The following ST8SIA1 variants were observed in gnomAD, a reference collection of about 807,000 sequenced individuals.
The protein encoded by ST8SIA1 is ST8 alpha-N-acetyl-neuraminide alpha-2,8-sialyltransferase 1, also known as alpha-N-acetylneuraminide alpha-2,8-sialyltransferase.
Under a neutral mutation model 35.9 loss-of-function variants are expected in ST8SIA1, and 16 were observed. The observed-to-expected ratio is 0.45, with a 90% CI of 0.30 to 0.68. The LOEUF (loss-of-function observed/expected upper bound fraction) is 0.68. Ranked by LOEUF, ST8SIA1 falls within the 30% of genes least tolerant of loss-of-function variation. The probability of loss-of-function intolerance (pLI) is 0.09; values close to 1 mark genes in which losing one functional copy is unlikely to be tolerated. For synonymous variants in ST8SIA1, 170 were observed against 169.6 expected, an observed-to-expected ratio of 1.00 and a Z score of -0.02; for missense variants, 383 against 453.6, an observed-to-expected ratio of 0.84 and a Z score of 1.41.
chr12:22,275,079 G>T (rs376886178), intron 2 of ST8SIA1, among the ~76,000 whole-genome samples: 3 of 152,120 alleles, frequency 2.0e-5, no homozygotes, highest in Non-Finnish European at 4.4e-5. Flanking sequence ...CTTGGGAGAG[G>T]GAACTGGGAA....
At chr12:22,232,966 AT>A (rs1865436053) in intron 4 of ST8SIA1, among the ~76,000 whole-genome samples, 1 of 152,240 alleles carries the variant, frequency 6.6e-6, no homozygotes, top group Non-Finnish European at 1.5e-5. Context: ...GGTGGGTCAA[AT>A]AAGAGAACTA....
chr12:22,249,220 G>C (rs111740898), intron 3 of ST8SIA1, 122 bp from the exon 4 acceptor site: 2 of 439,360 alleles, frequency 4.6e-6, no homozygotes, highest in Non-Finnish European at 8.1e-6. Flanking sequence ...TTTGTTTTTT[G>C]TTTTTTTTTT....
At chr12:22,304,820 A>C (rs1453731778) in intron 1 of ST8SIA1, among the ~76,000 whole-genome samples, 1 of 152,252 alleles carries the variant, frequency 6.6e-6, no homozygotes, top group Non-Finnish European at 1.5e-5. Context: ...GTTAAAAGAC[A>C]AGTAGTCCCT....
chr12:22,323,207 C>CT (rs1244245319), intron 1 of ST8SIA1, among the ~76,000 whole-genome samples: 3 of 152,176 alleles, frequency 2.0e-5, no homozygotes, highest in South Asian at 2.1e-4. Context: ...GTATGGGGAT[C>CT]TTTTTTCATT....
chr12:22,258,799 C>T (rs1048166357), intron 2 of ST8SIA1, among the ~76,000 whole-genome samples: 5 of 152,306 alleles, frequency 3.3e-5, no homozygotes, highest in African/African-American at 9.6e-5. Context: ...TTGCTTGAGC[C>T]TATTAGGCTG....
chr12:22,205,197 T>C (rs1249509044), intron 4 of ST8SIA1, among the ~76,000 whole-genome samples: 1 of 152,212 alleles, frequency 6.6e-6, no homozygotes, highest in African/African-American at 2.4e-5. Flanking sequence ...TAAGACTATG[T>C]ACTCCTTGAA....
intron 1 of ST8SIA1, among the ~76,000 whole-genome samples, chr12:22,318,885 C>T (rs940474981): frequency 2.2e-4 from 33 of 152,114 alleles, no homozygotes; most frequent in African/African-American, 6.3e-4. Context: ...AGGAAGTTTG[C>T]GAGTCCCAGA....
chr12:22,322,251 G>A (rs1866611599), intron 1 of ST8SIA1, among the ~76,000 whole-genome samples: 1 of 152,186 alleles, frequency 6.6e-6, no homozygotes, highest in Non-Finnish European at 1.5e-5. Context: ...TGGAGAGACT[G>A]GAGAATGTTG....
chr12:22,200,684 A>G lies in ST8SIA1; in HGVS notation c.*868T>C, dbSNP rs1456921037. On this transcript the variant is annotated 3_prime_UTR_variant, in exon 5 of 5. Transcript: ENST00000396037. ...TCAACGTGCTTTACTGCATTTCTGA[A>G]CATTAAATTATGAAGACAATTATGC... The G allele has an allele frequency of 6.6e-6, 1 of 152,190 alleles. No homozygotes were observed. The highest frequency in any genetic ancestry group is 1.5e-5 in the Non-Finnish European group (1 of 68,030). The allele number at this position is 152,190 out of a possible 1,614,324, so 9.4% of individuals were successfully genotyped here.
chr12:22,262,870 C>A (rs780059437), intron 2 of ST8SIA1, among the ~76,000 whole-genome samples: 2 of 152,168 alleles, frequency 1.3e-5, no homozygotes, highest in Non-Finnish European at 1.5e-5. Flanking sequence ...TTCTTTAAAA[C>A]CACTAAAGGG....
At chr12:22,322,762 T>C (rs1866618162) in intron 1 of ST8SIA1, among the ~76,000 whole-genome samples, 1 of 152,214 alleles carries the variant, frequency 6.6e-6, no homozygotes, top group South Asian at 2.1e-4. Context: ...CAAAATATCA[T>C]CATGGAATTT....
chr12:22,284,916 A>T (rs367690172), intron 2 of ST8SIA1, among the ~76,000 whole-genome samples: 14 of 152,254 alleles, frequency 9.2e-5, no homozygotes, highest in African/African-American at 3.4e-4. Flanking sequence ...TGGTAAAACT[A>T]AAAGTCCTCA....
rs1864960638 is a variant in ST8SIA1, at chr12:22,194,519, T to A, written c.*7033A>T. 6.6e-6 allele frequency: 1 copy of A among 152,060 alleles called. No homozygotes were observed. Among genetic ancestry groups the A allele is most frequent in the Non-Finnish European group, 1.5e-5 (1 of 68,026 alleles). 9.4% of individuals were successfully genotyped at this position (152,060 alleles called of 1,614,324 possible). A position where few individuals can be genotyped will look rare whatever the true frequency, so the allele number is the denominator to read the frequency against. ...GACAGAGGTATATGAAGGAAACACA[T>A]AAGGAAGTAGGGGTCAAGCCAGAAA... On this transcript the variant is annotated 3_prime_UTR_variant, in exon 5 of 5. Coordinates refer to ENST00000396037, the MANE Select transcript of ST8SIA1 (RefSeq NM_003034.4).
At chr12:22,288,498 G>A (rs190200990) in intron 1 of ST8SIA1, among the ~76,000 whole-genome samples, 151 of 152,306 alleles carry the variant, frequency 9.9e-4, no homozygotes, top group African/African-American at 3.4e-3. Context: ...CCTCATTGTT[G>A]CCAGGAATCA....
At chr12:22,311,762 C>G (rs896241639) in intron 1 of ST8SIA1, among the ~76,000 whole-genome samples, 1 of 152,086 alleles carries the variant, frequency 6.6e-6, no homozygotes. Flanking sequence ...AACAGAATCA[C>G]CAGTACTTGG....
intron 2 of ST8SIA1, among the ~76,000 whole-genome samples, chr12:22,278,689 T>C (rs1473298974): frequency 6.6e-6 from 1 of 152,206 alleles, no homozygotes; most frequent in Non-Finnish European, 1.5e-5. Flanking sequence ...TAATTTACAA[T>C]TGCATTTCTC....
chr12:22,275,233 C>T (rs1193486186), intron 2 of ST8SIA1, among the ~76,000 whole-genome samples: 2 of 152,120 alleles, frequency 1.3e-5, no homozygotes, highest in East Asian at 3.9e-4. Context: ...CTGGGAAATG[C>T]AAGTCACTTA....
At position 22,334,117 on chromosome 12, in the gene ST8SIA1, A is replaced by G. The variant is rs749939991; in HGVS notation, c.116T>C (p.Val39Ala). Residue 39 changes from valine to alanine, a missense_variant, in exon 1 of 5, where the codon GTC (valine) becomes GCC (alanine). Val to Ala is a moderately conservative substitution (Grantham distance 64). Coordinates refer to ENST00000396037, the MANE Select transcript of ST8SIA1 (RefSeq NM_003034.4). The stretch of plus-strand genomic sequence containing the variant: ...GGGGAAGATGTAGAGCCAACAGAGG[A>G]CCACGACACAGAGGGCACTGGCTCC... ...PMGASALCVV[V>A]LCWLYIFPVY... The G allele has an allele frequency of 6.2e-7, 1 of 1,613,852 alleles. No homozygotes were observed. The highest frequency in any genetic ancestry group is 1.1e-5 in the South Asian group (1 of 91,062).
chr12:22,275,026 G>A (rs2135808785), intron 2 of ST8SIA1, among the ~76,000 whole-genome samples: 1 of 152,186 alleles, frequency 6.6e-6, no homozygotes, highest in South Asian at 2.1e-4. Context: ...AAATTTGGGG[G>A]GGAGAAAATA....
Sources: allele counts gnomAD v4.1 joint callset (sites outside exome capture counted in the v4.1 genomes callset), GRCh38; gene constraint gnomAD v4.1.1; transcripts MANE v1.5; gene names NCBI Gene and HGNC (gene_info 2026-07-23, HGNC 2026-07-21).